DCHS2: variants seen among roughly 807,000 people sequenced by gnomAD.
The protein encoded by DCHS2 is dachsous cadherin-related 2.
DCHS2 carries 142 observed loss-of-function variants against 182.4 expected under a neutral mutation model. That is an observed-to-expected ratio of 0.78 (90% CI 0.68 to 0.89). The LOEUF (loss-of-function observed/expected upper bound fraction) is 0.89. DCHS2 is among the 40% of genes least tolerant of loss of function. The pLI, the probability that DCHS2 is intolerant of heterozygous loss-of-function variation, is 0.00. For missense variants in DCHS2, 4,319 were observed against 4,198.6 expected (o/e 1.03, Z -0.79); for synonymous variants, 1,740 against 1,663.3 (o/e 1.05, Z -1.12).
intron 15 of DCHS2, among the ~76,000 whole-genome samples, chr4:154,258,079 G>C (rs973818383): frequency 1.3e-5 from 2 of 152,168 alleles, no homozygotes; most frequent in Non-Finnish European, 2.9e-5. Flanking sequence ...TCACTGGGCA[G>C]GGATGATAAA....
chr4:154,318,014 G>A (rs920148759), intron 9 of DCHS2, among the ~76,000 whole-genome samples: 1 of 152,072 alleles, frequency 6.6e-6, no homozygotes, highest in Non-Finnish European at 1.5e-5. Context: ...CAATGCTGTT[G>A]ATTTGTCATA....
chr4:154,255,755 G>C (rs1732632835), intron 15 of DCHS2, 85 bp from the exon 16 acceptor site: 1 of 1,437,054 alleles, frequency 7.0e-7, no homozygotes, highest in Non-Finnish European at 9.2e-7. Context: ...CATTAAGAAA[G>C]AATCACAGCT....
At chr4:154,319,496 A>G (rs1735974616) in intron 9 of DCHS2, among the ~76,000 whole-genome samples, 1 of 151,892 alleles carries the variant, frequency 6.6e-6, no homozygotes, top group Non-Finnish European at 1.5e-5. Flanking sequence ...AAAAACCCTA[A>G]TTTTAAAATG....
At chr4:154,397,278 TA>T (rs529939501) in intron 1 of DCHS2, among the ~76,000 whole-genome samples, 233 of 152,322 alleles carry the variant, frequency 1.5e-3, no homozygotes, top group African/African-American at 5.3e-3. Flanking sequence ...CATTCACACA[TA>T]CCATTTGGGC....
At chr4:154,331,797 C>A in intron 5 of DCHS2, 2 of 1,445,858 alleles carry the variant, frequency 1.4e-6, no homozygotes, top group African/African-American at 2.8e-5. Flanking sequence ...TTTCAGTTTT[C>A]CCGGGTATGT....
chr4:154,434,231 A>G (rs1485846270), intron 1 of DCHS2, among the ~76,000 whole-genome samples: 1 of 152,154 alleles, frequency 6.6e-6, no homozygotes, highest in African/African-American at 2.4e-5. Flanking sequence ...ACCAACCTGG[A>G]CAATAGAGTA....
chr4:154,490,046 G>C lies in DCHS2; in HGVS notation c.1310C>G (p.Ala437Gly). 1 of 1,548,448 alleles carries C rather than the reference G, an allele frequency of 6.5e-7. No homozygotes were observed. The highest frequency in any genetic ancestry group is 8.7e-7 in the Non-Finnish European group (1 of 1,146,950). Residue 437 changes from alanine to glycine, a missense_variant, in exon 1 of 20, where the codon GCT (alanine) becomes GGT (glycine). Coordinates refer to ENST00000357232, the MANE Select transcript of DCHS2 (RefSeq NM_001358235.2). Reference sequence around the variant, plus strand: ...GTCCGCGTCAGACACCGAGACGCGAGCCACGTAGTCGCCCGGTCGGGCGCC... The same window carrying C: ...GTCCGCGTCAGACACCGAGACGCGACCCACGTAGTCGCCCGGTCGGGCGCC... ...SEGARPGDYVARVSVSDADGD... is the reference protein window; with the variant it reads ...SEGARPGDYVGRVSVSDADGD...
intron 1 of DCHS2, among the ~76,000 whole-genome samples, chr4:154,464,501 A>T (rs950988932): frequency 1.3e-5 from 2 of 152,218 alleles, no homozygotes; most frequent in Non-Finnish European, 2.9e-5. Context: ...TATGGAATAT[A>T]TTAATATAGA....
intron 3 of DCHS2, among the ~76,000 whole-genome samples, chr4:154,337,912 TG>T (rs1335516010): frequency 1.3e-5 from 2 of 152,096 alleles, no homozygotes; most frequent in Non-Finnish European, 2.9e-5. Flanking sequence ...GGCTAATTTT[TG>T]TATCTTTAGT....
intron 3 of DCHS2, among the ~76,000 whole-genome samples, chr4:154,342,123 G>T (rs781629284): frequency 6.6e-6 from 1 of 151,984 alleles, no homozygotes; most frequent in East Asian, 1.9e-4. Flanking sequence ...AAAAAGTTAT[G>T]TTTACACTAT....
At chr4:154,247,666 A>T (rs1263199802) in intron 16 of DCHS2, among the ~76,000 whole-genome samples, 4 of 96,364 alleles carry the variant, frequency 4.2e-5, no homozygotes, top group African/African-American at 1.4e-4. Flanking sequence ...AAAAAAAAAA[A>T]AAAAAAGAAT....
At chr4:154,244,727 C>T (rs1467000318) in intron 16 of DCHS2, among the ~76,000 whole-genome samples, 1 of 152,168 alleles carries the variant, frequency 6.6e-6, no homozygotes, top group Non-Finnish European at 1.5e-5. Context: ...ACACAGGCTG[C>T]CTTCTGCATT....
In DCHS2 at chr4:154,240,824, C is replaced by A; in HGVS notation, c.7073-1G>T. On this transcript the variant is annotated splice_acceptor_variant, in intron 17 of 19. Coordinates refer to ENST00000357232, the MANE Select transcript of DCHS2 (RefSeq NM_001358235.2). LOFTEE classifies it high-confidence loss of function. Reference sequence around the variant, plus strand: ...GTCACAATTACACCAGGCAAAGAATCTGAAATAGTCATGACCAGTGTCAGT... The same window carrying A: ...GTCACAATTACACCAGGCAAAGAATATGAAATAGTCATGACCAGTGTCAGT... 1 of 1,613,176 alleles carries A rather than the reference C, an allele frequency of 6.2e-7. No individual in the cohort carries two copies. Among genetic ancestry groups the A allele is most frequent in the African/African-American group, 1.3e-5 (1 of 75,030 alleles).
Position 154,369,726 on chromosome 4 carries a change from T to G in DCHS2, c.2245-3285A>C, listed in dbSNP as rs188998796. On this transcript the variant is annotated intron_variant, in intron 2 of 19. Coordinates refer to ENST00000357232, the MANE Select transcript of DCHS2 (RefSeq NM_001358235.2). ...TGCATGAGTATGTCTTAATTTTGTC[T>G]TATCATTTCTTTTTCCACTGATGAT... is the stretch of plus-strand genomic sequence containing the variant. 4.8e-3 allele frequency among the ~76,000 whole-genome samples: 732 copies of G among 152,098 alleles called. 5 individuals are homozygous for G. Among genetic ancestry groups the G allele is most frequent in the Non-Finnish European group, 7.6e-3 (516 of 68,022 alleles).
chr4:154,336,588 C>A (rs942932133), intron 3 of DCHS2, among the ~76,000 whole-genome samples: 4 of 152,082 alleles, frequency 2.6e-5, no homozygotes, highest in Admixed American at 6.5e-5. Flanking sequence ...TGATTTCTTC[C>A]TTTTTTATAT....
At chr4:154,390,553 T>C (rs1250989260) in intron 1 of DCHS2, among the ~76,000 whole-genome samples, 1 of 151,630 alleles carries the variant, frequency 6.6e-6, no homozygotes, top group Non-Finnish European at 1.5e-5. Context: ...CTAGCCCAAA[T>C]ACACCTACAT....
intron 13 of DCHS2, among the ~76,000 whole-genome samples, chr4:154,284,057 T>C (rs777038237): frequency 3.0e-4 from 46 of 152,212 alleles, no homozygotes; most frequent in Non-Finnish European, 5.9e-4. Context: ...AAGGTAAATG[T>C]ATCTACCAAA....
rs377212571 is a variant in DCHS2 at position 154,320,821 on chromosome 4, T to G, written c.4578A>C (p.Gly1526=). 8.1e-6 allele frequency: 13 copies of G among 1,613,940 alleles called. No homozygotes were observed. The highest frequency in any genetic ancestry group is 1.0e-5 in the Non-Finnish European group (12 of 1,179,990). The part of the protein sequence containing the change: ...VISVEENVPI[G]TLVYVFNAKD... ...TGGCATTGAAGACATACACCAGGGT[T>G]CCTATGGGAACATTCTCCTCTACAC... is the stretch of plus-strand genomic sequence containing the variant. Residue 1526 remains glycine (G), a synonymous_variant, in exon 9 of 20, where the codon GGA becomes GGC. Transcript: ENST00000357232.
At chr4:154,273,645 A>G (rs4235239) in intron 13 of DCHS2, among the ~76,000 whole-genome samples, 72,944 of 151,800 alleles carry the variant, frequency 0.48, 18,912 homozygotes, top group Non-Finnish European at 0.58. Context: ...ACAAATATGT[A>G]TACATAGAAA....
Sources: allele counts gnomAD v4.1 joint callset (sites outside exome capture counted in the v4.1 genomes callset), GRCh38; gene constraint gnomAD v4.1.1; transcripts MANE v1.5; gene names NCBI Gene and HGNC (gene_info 2026-07-23, HGNC 2026-07-21).